Variants in LAMA4 observed in about 807,000 individuals in gnomAD.
LAMA4 encodes the protein laminin subunit alpha-4.
Under a neutral mutation model 207.1 loss-of-function variants are expected in LAMA4, and 127 were observed. The observed-to-expected ratio is 0.61, with a 90% CI of 0.53 to 0.71. LAMA4 has a LOEUF of 0.71. Among genes scored for constraint, LAMA4 ranks in the 30% least tolerant of loss-of-function variants. The pLI, the probability that LAMA4 is intolerant of heterozygous loss-of-function variation, is 0.00. For synonymous variants in LAMA4, 761 were observed against 816.0 expected (o/e 0.93, Z 1.15); for missense variants, 2,093 against 2,246.5 (o/e 0.93, Z 1.38).
chr6:112,114,310 CTT>C (rs1554322621), intron 37 of LAMA4, 115 bp from the exon 38 acceptor site: 1 of 1,023,450 alleles, frequency 9.8e-7, no homozygotes, highest in South Asian at 1.3e-5. Flanking sequence ...AAAACCCACA[CTT>C]TCTTCTATAT....
intron 5 of LAMA4, among the ~76,000 whole-genome samples, chr6:112,200,510 G>T (rs140213386): frequency 4.6e-4 from 70 of 152,278 alleles, no homozygotes; most frequent in African/African-American, 1.6e-3. Context: ...ATTACCATTT[G>T]ACCCAGCAAT....
At chr6:112,137,792 A>G (rs781969959) in intron 24 of LAMA4, among the ~76,000 whole-genome samples, 1 of 152,246 alleles carries the variant, frequency 6.6e-6, no homozygotes, top group Non-Finnish European at 1.5e-5. Context: ...ATAGAGGGTT[A>G]CACATTTTTC....
intron 17 of LAMA4, 62 bp from the exon 18 acceptor site, chr6:112,148,398 T>C (rs1780167211): frequency 6.5e-7 from 1 of 1,542,792 alleles, no homozygotes; most frequent in Admixed American, 1.7e-5. Flanking sequence ...TGGGGAACAT[T>C]AACACCCCTT....
At chr6:112,190,932 TTTCTTTCTTTCTTTC>T (rs1783037058) in intron 6 of LAMA4, among the ~76,000 whole-genome samples, 15 of 88,802 alleles carry the variant, frequency 1.7e-4, no homozygotes, top group East Asian at 1.5e-3. Context: ...TCTTTCTTTC[TTTCTTTCTTTCTTTC>T]CTTTCTTTCT....
chr6:112,130,557 C>G (rs1383388276), intron 29 of LAMA4, among the ~76,000 whole-genome samples: 1 of 151,976 alleles, frequency 6.6e-6, no homozygotes, highest in Non-Finnish European at 1.5e-5. Flanking sequence ...TCAGTATTAT[C>G]TATTTTAAAG....
At chr6:112,109,692 C>T (rs1777590897) in intron 38 of LAMA4, 110 bp from the exon 39 acceptor site, 11 of 1,110,690 alleles carry the variant, frequency 9.9e-6, no homozygotes, top group Non-Finnish European at 1.3e-5. Context: ...ATATGATTTA[C>T]ATTTCAAAAA....
chr6:112,179,783 A>T (rs1031724387), intron 9 of LAMA4: 1 of 316,704 alleles, frequency 3.2e-6, no homozygotes, highest in Non-Finnish European at 6.4e-6. Context: ...GGAGAAGGGT[A>T]ATCCCCTCCC....
At chr6:112,162,015 T>C (rs1474023746) in intron 13 of LAMA4, 1 of 152,150 alleles carries the variant, frequency 6.6e-6, no homozygotes, top group African/African-American at 2.4e-5. Flanking sequence ...ATAATGTTGG[T>C]TATGTTTTTA....
intron 2 of LAMA4, among the ~76,000 whole-genome samples, chr6:112,229,644 G>A (rs1404422184): frequency 6.6e-6 from 1 of 152,222 alleles, no homozygotes; most frequent in Non-Finnish European, 1.5e-5. Flanking sequence ...ATAGCTAGTA[G>A]AAGACTGAAC....
At chr6:112,242,631 C>G (rs111540315) in intron 2 of LAMA4, among the ~76,000 whole-genome samples, 3 of 152,160 alleles carry the variant, frequency 2.0e-5, no homozygotes, top group African/African-American at 7.2e-5. Flanking sequence ...CATCTTTGGA[C>G]CACACTTTCA....
In LAMA4 at chr6:112,185,230, T is replaced by C; in HGVS notation, c.1077+7A>G. The C allele has an allele frequency of 6.5e-7, 1 of 1,549,384 alleles. No homozygotes were observed. The highest frequency in any genetic ancestry group is 8.9e-7 in the Non-Finnish European group (1 of 1,121,112). On this transcript the variant is annotated splice_region_variant and intron_variant, in intron 9 of 38. Transcript: ENST00000230538. The stretch of plus-strand genomic sequence containing the variant: ...CTGTCCCAGAAACTGAATACATACA[T>C]ACGTACCTTTTCAACTAATTCCTCT...
At chr6:112,116,138 G>T in intron 35 of LAMA4, 145 bp from the exon 36 acceptor site, 1 of 775,348 alleles carries the variant, frequency 1.3e-6, no homozygotes, top group Non-Finnish European at 2.1e-6. Context: ...GCTTTTCCAT[G>T]TCAAACTCAC....
chr6:112,150,526 G>A lies in LAMA4; in HGVS notation c.2158C>T (p.Gln720Ter). 1.2e-6 allele frequency: 2 copies of A among 1,608,074 alleles called. No individual in the cohort carries two copies. The highest frequency in any genetic ancestry group is 1.7e-6 in the Non-Finnish European group (2 of 1,174,510). Reference sequence around the variant, plus strand: ...TGATGCTTACCTCTCTCTGCTGCTTGTAGTTGCTTAACGGCATCACTGAGT... The same window carrying A: ...TGATGCTTACCTCTCTCTGCTGCTTATAGTTGCTTAACGGCATCACTGAGT... Reference protein sequence around the residue: ...TRLSDAVKQLQAAERGDAQQR... With the variant: ...TRLSDAVKQL Residue 720 changes from glutamine to a stop codon, truncating the protein, a stop_gained, in exon 17 of 39, where the codon CAA (glutamine) becomes TAA (stop). Transcript: ENST00000230538. LOFTEE classifies it high-confidence loss of function.
intron 8 of LAMA4, among the ~76,000 whole-genome samples, chr6:112,186,565 G>A (rs1782694830): frequency 1.3e-5 from 2 of 152,178 alleles, no homozygotes; most frequent in South Asian, 2.1e-4. Context: ...ATTGGTCCCA[G>A]GACCCCGTGG....
At chr6:112,179,373 GTACT>G (rs1162485289) in intron 9 of LAMA4, 26 of 152,390 alleles carry the variant, frequency 1.7e-4, no homozygotes, top group African/African-American at 6.0e-4. Flanking sequence ...TGGGCGACAT[GTACT>G]TACTTTTGGG....
At chr6:112,141,635 AG>A (rs1298431023) in intron 20 of LAMA4, 132 bp from the exon 21 acceptor site, 2 of 722,766 alleles carry the variant, frequency 2.8e-6, no homozygotes, top group Admixed American at 4.4e-5. Context: ...TATTATCCGA[AG>A]CTCCTGTGAG....
chr6:112,218,406 C>T (rs1784748946), intron 2 of LAMA4: 2 of 152,116 alleles, frequency 1.3e-5, no homozygotes, highest in Non-Finnish European at 1.5e-5. Flanking sequence ...GATATTTGGC[C>T]AGGTTTGGAA....
intron 26 of LAMA4, 47 bp from the exon 27 acceptor site, chr6:112,133,534 T>C: frequency 6.2e-7 from 1 of 1,608,910 alleles, no homozygotes; most frequent in Non-Finnish European, 8.5e-7. Flanking sequence ...ATGATGATGT[T>C]ACCCTGCATA....
chr6:112,200,932 G>A (rs1055066039), intron 5 of LAMA4, among the ~76,000 whole-genome samples: 10 of 151,906 alleles, frequency 6.6e-5, no homozygotes, highest in Non-Finnish European at 1.3e-4. Flanking sequence ...ACCTAATGTG[G>A]ATGACGGGTT....
Sources: gnomAD v4.1 joint callset for allele counts (sites outside exome capture counted in the v4.1 genomes callset) on GRCh38, gnomAD v4.1.1 for gene constraint, MANE v1.5 for transcripts, NCBI Gene and HGNC (gene_info 2026-07-23, HGNC 2026-07-21) for gene names.